BBX: variants seen among roughly 807,000 people sequenced by gnomAD.
BBX encodes BBX high mobility group box domain containing.
BBX carries 30 observed loss-of-function variants against 100.2 expected under a neutral mutation model. The observed-to-expected ratio is 0.30, with a 90% CI of 0.22 to 0.41. The LOEUF is 0.41. BBX is among the 10% of genes least tolerant of loss of function. BBX has a pLI of 1.00. For synonymous variants in BBX, 376 were observed against 388.1 expected, an observed-to-expected ratio of 0.97 and a Z score of 0.37; for missense variants, 1,023 against 1,129.8, an observed-to-expected ratio of 0.91 and a Z score of 1.35.
intron 2 of BBX, among the ~76,000 whole-genome samples, chr3:107,574,459 G>A (rs958519572): frequency 1.3e-5 from 2 of 152,154 alleles, no homozygotes; most frequent in African/African-American, 4.8e-5. Context: ...ATCTATTAAA[G>A]TTTAGGCTGA....
At chr3:107,560,169 A>G (rs995334079) in intron 2 of BBX, among the ~76,000 whole-genome samples, 1 of 152,016 alleles carries the variant, frequency 6.6e-6, no homozygotes, top group Non-Finnish European at 1.5e-5. Flanking sequence ...AAGCCTTACT[A>G]CTTTCTAATT....
At chr3:107,584,943 A>G (rs1460937006) in intron 2 of BBX, among the ~76,000 whole-genome samples, 1 of 151,356 alleles carries the variant, frequency 6.6e-6, no homozygotes, top group African/African-American at 2.4e-5. Context: ...CGTCCTCCCA[A>G]AGTGATTACA....
chr3:107,670,879 A>G (rs1199880607), intron 3 of BBX, among the ~76,000 whole-genome samples: 1 of 152,086 alleles, frequency 6.6e-6, no homozygotes, highest in Non-Finnish European at 1.5e-5. Flanking sequence ...CCTGCACAAG[A>G]CATTCTGGAA....
At chr3:107,785,157 G>A (rs1369531135) in intron 13 of BBX, among the ~76,000 whole-genome samples, 1 of 148,472 alleles carries the variant, frequency 6.7e-6, no homozygotes, top group African/African-American at 2.5e-5. Context: ...CATTGAACTA[G>A]TAATTTTTAA....
chr3:107,568,511 G>A (rs1262907170), intron 2 of BBX, among the ~76,000 whole-genome samples: 3 of 151,808 alleles, frequency 2.0e-5, no homozygotes, highest in Non-Finnish European at 2.9e-5. Flanking sequence ...TGATCCCCTC[G>A]GCCTCCCAAA....
intron 7 of BBX, among the ~76,000 whole-genome samples, chr3:107,737,392 G>C (rs2063711595): frequency 6.6e-6 from 1 of 151,874 alleles, no homozygotes; most frequent in African/African-American, 2.4e-5. Context: ...TTTATCATCA[G>C]GTGCTCAAGA....
At chr3:107,671,918 C>A (rs1160455580) in intron 3 of BBX, among the ~76,000 whole-genome samples, 1 of 152,056 alleles carries the variant, frequency 6.6e-6, no homozygotes, top group Non-Finnish European at 1.5e-5. Flanking sequence ...TCTTCAAAGT[C>A]TCTACTTGTG....
Position 107,685,135 on chromosome 3 carries a change from T to G in BBX, c.-9-25317T>G, listed in dbSNP as rs2059776866. Among the ~76,000 whole-genome samples, 3 of 152,266 alleles carry G rather than the reference T, an allele frequency of 2.0e-5. No homozygotes were observed. The South Asian group carries it at 6.2e-4, about 32-fold the overall frequency. On this transcript the variant is annotated intron_variant, in intron 3 of 17. Transcript: ENST00000325805. The stretch of plus-strand genomic sequence containing the variant: ...ACAGAAAATAAGAATGTATTAGTTT[T>G]AGGAGCCAGGGTGTTATATAGACTG...
intron 4 of BBX, among the ~76,000 whole-genome samples, chr3:107,715,343 G>C (rs1365955100): frequency 6.6e-6 from 1 of 152,130 alleles, no homozygotes; most frequent in Non-Finnish European, 1.5e-5. Context: ...AGAACCTCCA[G>C]GGATTCCAAT....
chr3:107,641,079 T>C (rs1020452416), intron 2 of BBX, among the ~76,000 whole-genome samples: 1 of 135,208 alleles, frequency 7.4e-6, no homozygotes, highest in Non-Finnish European at 1.5e-5. Flanking sequence ...AGGTAATTTC[T>C]TTTCTTTCTT....
intron 2 of BBX, among the ~76,000 whole-genome samples, chr3:107,541,035 A>G (rs1490252538): frequency 6.6e-6 from 1 of 152,212 alleles, no homozygotes; most frequent in African/African-American, 2.4e-5. Context: ...TTTCTCCTTT[A>G]GTGGCTGGCC....
intron 7 of BBX, among the ~76,000 whole-genome samples, chr3:107,739,301 C>T (rs1239638179): frequency 1.3e-5 from 2 of 152,148 alleles, no homozygotes; most frequent in African/African-American, 4.8e-5. Flanking sequence ...CCTACCTGAA[C>T]CTCATCAAAA....
chr3:107,680,305 CTTT>C (rs906481521), intron 3 of BBX, among the ~76,000 whole-genome samples: 17 of 152,284 alleles, frequency 1.1e-4, no homozygotes, highest in African/African-American at 4.1e-4. Flanking sequence ...AGTTGGACTT[CTTT>C]ATCACCGCTT....
chr3:107,719,138 C>A (rs1356693642), intron 5 of BBX, among the ~76,000 whole-genome samples: 1 of 151,960 alleles, frequency 6.6e-6, no homozygotes, highest in East Asian at 1.9e-4. Context: ...TGATACAAGG[C>A]TGTTGATAAA....
At chr3:107,527,593 CAT>C in intron 2 of BBX, among the ~76,000 whole-genome samples, 1 of 152,106 alleles carries the variant, frequency 6.6e-6, no homozygotes, top group Non-Finnish European at 1.5e-5. Flanking sequence ...TTGCATTGAA[CAT>C]TTAGAAAATC....
At chr3:107,732,709 G>A (rs2063385072) in intron 6 of BBX, among the ~76,000 whole-genome samples, 1 of 152,148 alleles carries the variant, frequency 6.6e-6, no homozygotes, top group African/African-American at 2.4e-5. Context: ...AAACAGCAAT[G>A]GTATTGAAGA....
chr3:107,591,931 G>A (rs1323898176), intron 2 of BBX, among the ~76,000 whole-genome samples: 2 of 152,206 alleles, frequency 1.3e-5, no homozygotes, highest in African/African-American at 4.8e-5. Flanking sequence ...AGTATGTGGT[G>A]AGGAGATTCT....
intron 3 of BBX, among the ~76,000 whole-genome samples, chr3:107,651,132 A>G (rs1269003359): frequency 6.6e-6 from 1 of 152,192 alleles, no homozygotes; most frequent in Admixed American, 6.5e-5. Flanking sequence ...GCTTCAACAT[A>G]TGAATTTGGA....
chr3:107,733,938 C>T (rs1471598702), intron 7 of BBX, among the ~76,000 whole-genome samples: 1 of 152,122 alleles, frequency 6.6e-6, no homozygotes, highest in Non-Finnish European at 1.5e-5. Flanking sequence ...TTCCCAGAGA[C>T]ATTTAACAGA....
Sources: allele counts gnomAD v4.1 joint callset (sites outside exome capture counted in the v4.1 genomes callset), GRCh38; gene constraint gnomAD v4.1.1; transcripts MANE v1.5; gene names NCBI Gene and HGNC (gene_info 2026-07-23, HGNC 2026-07-21).